Variants in KAT2B observed in about 807,000 individuals in gnomAD.
KAT2B encodes the protein lysine acetyltransferase 2B.
Under a neutral mutation model 105.9 loss-of-function variants are expected in KAT2B, and 36 were observed. The observed-to-expected ratio is 0.34, with a 90% confidence interval of 0.26 to 0.45. The LOEUF is 0.45. KAT2B is among the 20% of genes least tolerant of loss of function. KAT2B has a pLI of 1.00. For missense variants in KAT2B, 820 were observed against 1,021.6 expected (o/e 0.80, Z 2.69); for synonymous variants, 397 against 377.9 (o/e 1.05, Z -0.59).
intron 1 of KAT2B, among the ~76,000 whole-genome samples, chr3:20,062,025 C>CATAATATATATTATATATAAAACAT (rs1559513965): frequency 0.011 from 418 of 36,742 alleles, 62 homozygotes; most frequent in East Asian, 0.084. Flanking sequence ...ATATATAAAA[C>CATAATATATATTATATATAAAACAT]ATAATATATA....
intron 10 of KAT2B, 37 bp from the exon 11 acceptor site, chr3:20,127,386 G>C (rs1202131611): frequency 6.3e-7 from 1 of 1,578,660 alleles, no homozygotes. Flanking sequence ...TATATAACTA[G>C]GATAGGTAAA....
intron 2 of KAT2B, among the ~76,000 whole-genome samples, chr3:20,074,107 A>T (rs192510317): frequency 6.6e-6 from 1 of 152,176 alleles, no homozygotes; most frequent in African/African-American, 2.4e-5. Context: ...AAAAAATCAC[A>T]TATCCTTTGA....
chr3:20,088,135 T>C (rs1180652301), intron 2 of KAT2B, among the ~76,000 whole-genome samples: 1 of 152,194 alleles, frequency 6.6e-6, no homozygotes, highest in Non-Finnish European at 1.5e-5. Flanking sequence ...CTACATTCTC[T>C]TTATCCATTC....
At chr3:20,126,170 T>G in intron 10 of KAT2B, 57 bp downstream of exon 10, 1 of 1,422,018 alleles carries the variant, frequency 7.0e-7, no homozygotes, top group East Asian at 2.5e-5. Context: ...AAAGAGGAAC[T>G]GCTTAGATAG....
chr3:20,040,645 G>A lies in KAT2B; in HGVS notation c.168G>A (p.Thr56=), dbSNP rs1260206299. The A allele has an allele frequency of 9.8e-5, 142 of 1,453,416 alleles. No homozygotes were observed. The highest frequency in any genetic ancestry group is 1.3e-4 in the Non-Finnish European group (139 of 1,106,166). The allele number at this position is 1,453,416 out of a possible 1,614,324, so 90.0% of individuals were successfully genotyped here. Residue 56 remains threonine (T), a synonymous_variant, in exon 1 of 18, where the codon ACG becomes ACA. Transcript: ENST00000263754. The part of the protein sequence containing the change: ...AGGSGACGPA[T]AVAAAGTAEG... ...GCTCGGGCGCCTGCGGTCCGGCGAC[G>A]GCAGTGGCTGCAGCGGGCACGGCCG...
intron 3 of KAT2B, among the ~76,000 whole-genome samples, chr3:20,098,784 C>T (rs920740780): frequency 3.9e-5 from 6 of 152,242 alleles, no homozygotes; most frequent in African/African-American, 1.4e-4. Flanking sequence ...TAAAGATGGG[C>T]ATAATACTTG....
rs761034062 is a variant in KAT2B at position 20,152,354 on chromosome 3, C to T, written c.2328C>T (p.Arg776=). The change falls in exon 18 of 18, where the codon CGC becomes CGT. Residue 776 remains arginine, a synonymous_variant. Transcript: ENST00000263754. The part of the protein sequence containing the change: ...FPMDLKTMSE[R]LKNRYYVSKK... ...CAGATCTGAAAACCATGAGTGAACG[C>T]CTCAAGAATAGGTACTACGTGTCTA... The T allele has an allele frequency of 1.4e-4, 221 of 1,612,606 alleles. No homozygotes were observed. The highest frequency in any genetic ancestry group is 1.8e-4 in the Non-Finnish European group (208 of 1,179,228).
intron 3 of KAT2B, among the ~76,000 whole-genome samples, chr3:20,097,783 C>T (rs77057204): frequency 6.6e-6 from 1 of 152,146 alleles, no homozygotes; most frequent in South Asian, 2.1e-4. Flanking sequence ...GTGATCTCCC[C>T]CCTCGGCCTT....
chr3:20,076,602 G>A (rs1233380158), intron 2 of KAT2B, among the ~76,000 whole-genome samples: 1 of 152,178 alleles, frequency 6.6e-6, no homozygotes, highest in Non-Finnish European at 1.5e-5. Flanking sequence ...TGAATGAACT[G>A]CCTTGGACTC....
intron 11 of KAT2B, among the ~76,000 whole-genome samples, chr3:20,130,577 T>G (rs940277383): frequency 1.3e-5 from 2 of 152,180 alleles, no homozygotes; most frequent in East Asian, 1.9e-4. Context: ...TTGGAAATGC[T>G]GATTAAGGTT....
chr3:20,106,979 GTATATATATATATATATATA>G lies in KAT2B; in HGVS notation c.852-4599_852-4580del, dbSNP rs869172127. On this transcript the variant is annotated intron_variant, in intron 5 of 17. Coordinates refer to ENST00000263754, the MANE Select transcript of KAT2B (RefSeq NM_003884.5). The stretch of plus-strand genomic sequence containing the variant: ...TTTATGTGTATATATATATATATAT[GTATATATATATATATATATA>G]TATATATATATATATATTTTTTTTT... Among the ~76,000 whole-genome samples, 67 of 33,506 alleles carry G rather than the reference GTATATATATATATATATATA, an allele frequency of 2.0e-3. No individual in the cohort carries two copies. In the East Asian group the frequency reaches 0.021, roughly 10 times the overall value. The allele number at this position is 33,506 out of a possible 152,430, so 22.0% of individuals were successfully genotyped here.
chr3:20,086,364 C>G (rs1167358326), intron 2 of KAT2B, among the ~76,000 whole-genome samples: 1 of 152,176 alleles, frequency 6.6e-6, no homozygotes, highest in South Asian at 2.1e-4. Flanking sequence ...TTTGGGAATC[C>G]GAGACGGGAG....
Position 20,040,472 on chromosome 3 carries a change from G to A in KAT2B, c.-6G>A, listed in dbSNP as rs1169405369. The A allele has an allele frequency of 1.3e-5, 14 of 1,068,638 alleles. No individual in the cohort carries two copies. The highest frequency in any genetic ancestry group is 5.4e-5 in the Admixed American group (1 of 18,352). 66.2% of individuals were successfully genotyped at this position (1,068,638 alleles called of 1,614,324 possible). On this transcript the variant is annotated 5_prime_UTR_variant, in exon 1 of 18. Coordinates refer to ENST00000263754, the MANE Select transcript of KAT2B (RefSeq NM_003884.5). ...CTCGGCGCCTCCTGCCGTGCTCCGG[G>A]GCGGCATGTCCGAGGCTGGCGGGGC...
rs1470572141 is a variant in KAT2B, at chr3:20,122,696, T to C, written c.1305T>C (p.His435=). ...AAAAGAGGAAAATGACTGATTCTCA[T>C]GTTCTGGAGGAGGCCAAGAAACCCC... ...PGEKRKMTDS[H]VLEEAKKPRV... Residue 435 remains histidine (H), a synonymous_variant, in exon 9 of 18, where the codon CAT becomes CAC. Coordinates refer to ENST00000263754, the MANE Select transcript of KAT2B (RefSeq NM_003884.5). The C allele has an allele frequency of 1.8e-5, 29 of 1,613,912 alleles. No individual in the cohort carries two copies. The highest frequency in any genetic ancestry group is 3.3e-5 in the Admixed American group (2 of 59,978).
At chr3:20,058,454 A>AG (rs34061018) in intron 1 of KAT2B, among the ~76,000 whole-genome samples, 7 of 29,710 alleles carry the variant, frequency 2.4e-4, no homozygotes, top group African/African-American at 1.6e-3. Flanking sequence ...ACTCTGTCTC[A>AG]AAAAAAAAAA....
At chr3:20,046,839 G>C (rs1575102177) in intron 1 of KAT2B, among the ~76,000 whole-genome samples, 1 of 152,122 alleles carries the variant, frequency 6.6e-6, no homozygotes. Context: ...AGGGACATTT[G>C]ACAATGTCTG....
chr3:20,064,660 T>C (rs937897613), intron 1 of KAT2B, among the ~76,000 whole-genome samples: 1 of 152,210 alleles, frequency 6.6e-6, no homozygotes, highest in African/African-American at 2.4e-5. Flanking sequence ...GGCAAGTCTC[T>C]TATCACCTAG....
In KAT2B at chr3:20,127,498, A is replaced by G; in HGVS notation, c.1698A>G (p.Gln566=). 2 of 1,613,506 alleles carry G rather than the reference A, an allele frequency of 1.2e-6. No individual in the cohort carries two copies. Among genetic ancestry groups the G allele is most frequent in the Non-Finnish European group, 1.7e-6 (2 of 1,179,394 alleles). Residue 566 remains glutamine (Q), a synonymous_variant, in exon 11 of 18, where the codon CAA becomes CAG. Transcript: ENST00000263754. ...TCTGTTTCCGTATGTTCCCATCTCA[A>G]GGATTCACAGAGATTGTCTTCTGTG... ...GGICFRMFPS[Q]GFTEIVFCAV...
intron 5 of KAT2B, among the ~76,000 whole-genome samples, chr3:20,106,736 T>A (rs1382095374): frequency 6.6e-6 from 1 of 151,658 alleles, no homozygotes; most frequent in Non-Finnish European, 1.5e-5. Flanking sequence ...GATTTTATGA[T>A]AATATTTATA....
Sources: allele counts gnomAD v4.1 joint callset (sites outside exome capture counted in the v4.1 genomes callset), GRCh38; gene constraint gnomAD v4.1.1; transcripts MANE v1.5; gene names NCBI Gene and HGNC (gene_info 2026-07-23, HGNC 2026-07-21).